The following TBXAS1 variants were observed in gnomAD, a reference collection of about 807,000 sequenced individuals.
TBXAS1 encodes thromboxane A synthase 1, also known as thromboxane-A synthase.
A neutral mutation model predicts 60.7 loss-of-function variants in TBXAS1; 48 were observed. That is an observed-to-expected ratio of 0.79 (90% CI 0.63 to 1.01). The LOEUF is 1.01. Among genes scored for constraint, TBXAS1 ranks in the 50% least tolerant of loss-of-function variants. The probability of loss-of-function intolerance (pLI) is 0.00; values close to 1 mark genes in which losing one functional copy is unlikely to be tolerated. For synonymous variants in TBXAS1, 287 were observed against 269.7 expected (o/e 1.06, Z -0.63); for missense variants, 685 against 686.3 (o/e 1.00, Z 0.02).
At chr7:139,972,244 C>G (rs1026564588) in intron 9 of TBXAS1, among the ~76,000 whole-genome samples, 1 of 152,214 alleles carries the variant, frequency 6.6e-6, no homozygotes, top group East Asian at 1.9e-4. Context: ...TATGTGGTGT[C>G]TTTCATGTAG....
chr7:139,979,661 G>A (rs1015811359), intron 9 of TBXAS1, among the ~76,000 whole-genome samples: 7 of 151,330 alleles, frequency 4.6e-5, no homozygotes, highest in African/African-American at 1.7e-4. Flanking sequence ...AGGAAGCAGA[G>A]GTTGCAGTGA....
intron 9 of TBXAS1, among the ~76,000 whole-genome samples, chr7:139,991,892 G>A (rs1812935655): frequency 6.6e-6 from 1 of 152,222 alleles, no homozygotes; most frequent in South Asian, 2.1e-4. Flanking sequence ...TTAGCTGGGA[G>A]CACTTGGCCC....
chr7:139,938,289 A>G (rs1334987572), intron 5 of TBXAS1, among the ~76,000 whole-genome samples: 1 of 151,714 alleles, frequency 6.6e-6, no homozygotes, highest in Non-Finnish European at 1.5e-5. Flanking sequence ...GGCTTTGAAA[A>G]CTGTTGCTGC....
chr7:139,895,073 A>T (rs188789359), intron 3 of TBXAS1, among the ~76,000 whole-genome samples: 6 of 152,350 alleles, frequency 3.9e-5, no homozygotes, highest in Admixed American at 2.0e-4. Flanking sequence ...AACAGGAAAC[A>T]GGATTCTGGG....
At chr7:139,821,818 G>T (rs116239596) in intron 4 of TBXAS1, among the ~76,000 whole-genome samples, 1 of 152,208 alleles carries the variant, frequency 6.6e-6, no homozygotes, top group African/African-American at 2.4e-5. Context: ...TCTAGGTCTT[G>T]TCTCTCTACA....
At chr7:140,015,893 G>A (rs1418229207) in intron 11 of TBXAS1, 33 bp downstream of exon 11, 5 of 1,612,490 alleles carry the variant, frequency 3.1e-6, no homozygotes, top group Non-Finnish European at 4.2e-6. Flanking sequence ...AGCTCTGAAG[G>A]GATGTGAGTG....
chr7:139,901,055 G>C (rs1224015139), intron 3 of TBXAS1, among the ~76,000 whole-genome samples: 2 of 152,206 alleles, frequency 1.3e-5, no homozygotes, highest in African/African-American at 2.4e-5. Flanking sequence ...TCAAGATGTA[G>C]TGGGCAGACA....
chr7:139,837,398 C>A (rs531985161), intron 1 of TBXAS1, among the ~76,000 whole-genome samples: 3 of 152,320 alleles, frequency 2.0e-5, no homozygotes, highest in Admixed American at 2.0e-4. Flanking sequence ...ATTGCAAAAT[C>A]ATGGAACCAA....
chr7:139,989,458 C>T (rs184649009), intron 9 of TBXAS1, among the ~76,000 whole-genome samples: 3 of 152,312 alleles, frequency 2.0e-5, no homozygotes, highest in Non-Finnish European at 2.9e-5. Context: ...ACATCGTGAG[C>T]GTGGCTGCAG....
intron 1 of TBXAS1, among the ~76,000 whole-genome samples, chr7:139,859,012 G>A (rs1275653758): frequency 1.3e-5 from 2 of 152,050 alleles, no homozygotes; most frequent in South Asian, 4.2e-4. Flanking sequence ...GGGATTACAG[G>A]CATGCGCCAG....
chr7:140,015,898 T>G, intron 11 of TBXAS1, 38 bp downstream of exon 11: 1 of 1,612,248 alleles, frequency 6.2e-7, no homozygotes, highest in Non-Finnish European at 8.5e-7. Context: ...TGAAGGGATG[T>G]GAGTGTGTGG....
chr7:139,882,724 G>A (rs925399807), intron 3 of TBXAS1, among the ~76,000 whole-genome samples: 2 of 152,166 alleles, frequency 1.3e-5, no homozygotes, highest in East Asian at 1.9e-4. Flanking sequence ...GCCAAACTGT[G>A]GGCAATATTT....
rs1489915474 is a variant in TBXAS1 at position 140,010,107 on chromosome 7, G to GCTGCTCCACAC, written c.1226+2934_1226+2944dup. ...ACACCCACCCCACACCTGCCTCACA[G>GCTGCTCCACAC]CTGCTCCACACCTGCTCCATGGGCA... On this transcript the variant is annotated intron_variant, in intron 10 of 12. Transcript: ENST00000448866. 1.1e-3 allele frequency among the ~76,000 whole-genome samples: 158 copies of GCTGCTCCACAC among 140,446 alleles called. 1 individual carries two copies. The highest frequency in any genetic ancestry group is 4.0e-3 in the African/African-American group (149 of 37,124). 92.1% of individuals were successfully genotyped at this position (140,446 alleles called of 152,430 possible).
At chr7:139,929,452 G>A (rs917776171) in intron 4 of TBXAS1, among the ~76,000 whole-genome samples, 1 of 152,158 alleles carries the variant, frequency 6.6e-6, no homozygotes, top group Admixed American at 6.5e-5. Context: ...CTATGACAGA[G>A]CATGTAATAG....
chr7:139,822,148 T>C (rs181990672), intron 4 of TBXAS1, among the ~76,000 whole-genome samples: 404 of 152,278 alleles, frequency 2.7e-3, no homozygotes, highest in Admixed American at 4.5e-3. Context: ...AGCTAGAGTA[T>C]GGAAGGGGTA....
At chr7:139,832,238 T>C (rs1447721032) in intron 1 of TBXAS1, among the ~76,000 whole-genome samples, 1 of 152,018 alleles carries the variant, frequency 6.6e-6, no homozygotes, top group Non-Finnish European at 1.5e-5. Flanking sequence ...GTGGGAGAAA[T>C]ATTCAATGAA....
Position 139,984,640 on chromosome 7 carries a change from G to GAGAA in TBXAS1, c.1134+22418_1134+22421dup, listed in dbSNP as rs72314614. 1.7e-3 allele frequency among the ~76,000 whole-genome samples: 167 copies of GAGAA among 99,860 alleles called. 14 individuals carry two copies. Among genetic ancestry groups the GAGAA allele is most frequent in the Non-Finnish European group, 2.5e-3 (122 of 48,440 alleles). The allele number at this position is 99,860 out of a possible 152,430, so 65.5% of individuals were successfully genotyped here. ...AGAGAGAGAGAGAGAGAGAGAGAGA[G>GAGAA]AGAAAGAAAGAAAGGGAAGGGGGAA... On this transcript the variant is annotated intron_variant, in intron 9 of 12. Transcript: ENST00000448866.
chr7:139,867,046 A>T (rs941975312), intron 1 of TBXAS1, among the ~76,000 whole-genome samples: 4 of 152,226 alleles, frequency 2.6e-5, no homozygotes, highest in African/African-American at 9.6e-5. Flanking sequence ...TGTGGCCATG[A>T]TGTTTAATGG....
chr7:140,011,664 C>T (rs1183500638), intron 10 of TBXAS1, among the ~76,000 whole-genome samples: 1 of 152,004 alleles, frequency 6.6e-6, no homozygotes, highest in Admixed American at 6.6e-5. Context: ...AGGCTGTCTG[C>T]CAGGGACCAG....
Sources: allele counts gnomAD v4.1 joint callset (sites outside exome capture counted in the v4.1 genomes callset), GRCh38; gene constraint gnomAD v4.1.1; transcripts MANE v1.5; gene names NCBI Gene and HGNC (gene_info 2026-07-23, HGNC 2026-07-21).